MTMR9: variants seen among roughly 807,000 people sequenced by gnomAD.
MTMR9 encodes the protein myotubularin related protein 9, also known as myotubularin-related protein 9.
MTMR9 carries 39 observed loss-of-function variants against 69.5 expected under a neutral mutation model. That is an observed-to-expected ratio of 0.56 (90% CI 0.43 to 0.73). The LOEUF (loss-of-function observed/expected upper bound fraction) is 0.73. Ranked by LOEUF, MTMR9 falls within the 30% of genes least tolerant of loss-of-function variation. MTMR9 has a pLI of 0.00. For missense variants in MTMR9, 900 were observed against 671.2 expected (o/e 1.34, Z -3.77); for synonymous variants, 354 against 240.8 (o/e 1.47, Z -4.35).
the MTMR9 span, among the ~76,000 whole-genome samples, chr8:11,337,673 G>C: frequency 6.6e-6 from 1 of 152,196 alleles, no homozygotes; most frequent in Non-Finnish European, 1.5e-5. Context: ...AAGTAGACTC[G>C]GTCCTGCTAG....
chr8:11,303,597 T>C (rs900386466), intron 3 of MTMR9, among the ~76,000 whole-genome samples: 2 of 152,158 alleles, frequency 1.3e-5, no homozygotes, highest in South Asian at 2.1e-4. Flanking sequence ...GCAGTGGCGC[T>C]GTCACAGCTC....
chr8:11,292,295 T>A (rs193092487), intron 1 of MTMR9, among the ~76,000 whole-genome samples: 3 of 152,330 alleles, frequency 2.0e-5, no homozygotes, highest in Admixed American at 1.3e-4. Context: ...AATATTCTTA[T>A]GCAAGTCTTT....
rs1307792700 is a variant in MTMR9 at position 11,328,020 on chromosome 8, T to A, written c.*5232T>A. 1.3e-5 allele frequency: 2 copies of A among 152,218 alleles called. No individual in the cohort carries two copies. The highest frequency in any genetic ancestry group is 4.8e-5 in the African/African-American group (2 of 41,452). 9.4% of individuals were successfully genotyped at this position (152,218 alleles called of 1,614,324 possible). A position where few individuals can be genotyped will look rare whatever the true frequency, so the allele number is the denominator to read the frequency against. ...AGAGTCTTGTCGAATGTGGTACTGT[T>A]CTTAGTGTGTAATATTTGCGTATGG... is the stretch of plus-strand genomic sequence containing the variant. On this transcript the variant is annotated 3_prime_UTR_variant, in exon 10 of 10. Transcript: ENST00000221086.
At position 11,304,613 on chromosome 8, in the gene MTMR9, C is replaced by T. The variant is rs114220244; in HGVS notation, c.418-228C>T. 2.4e-3 allele frequency among the ~76,000 whole-genome samples: 360 copies of T among 152,280 alleles called. 1 individual carries two copies. The highest frequency in any genetic ancestry group is 8.3e-3 in the African/African-American group (346 of 41,540). The stretch of plus-strand genomic sequence containing the variant: ...ACAAGTTTTGCTCAGTGTGAGAAAG[C>T]ACTTTCTGGGAACTGGTGATACCTA... On this transcript the variant is annotated intron_variant, in intron 3 of 9. Coordinates refer to ENST00000221086, the MANE Select transcript of MTMR9 (RefSeq NM_015458.4).
intron 4 of MTMR9, 28 bp downstream of exon 4, chr8:11,305,042 T>TACTGA (rs750852327): frequency 6.2e-7 from 1 of 1,602,040 alleles, no homozygotes; most frequent in Non-Finnish European, 8.5e-7. Context: ...CTGCTTGATG[T>TACTGA]ACTGAAAGGC....
downstream of MTMR9, chr8:11,332,325 T>G: frequency 1.1e-6 from 1 of 931,782 alleles, no homozygotes; most frequent in Non-Finnish European, 1.5e-6. Flanking sequence ...ATGAGAAATC[T>G]GGCTTATTTA....
intron 1 of MTMR9, among the ~76,000 whole-genome samples, chr8:11,285,644 A>G (rs920713318): frequency 6.6e-6 from 1 of 152,134 alleles, no homozygotes; most frequent in Non-Finnish European, 1.5e-5. Context: ...TGCTTGCTGA[A>G]AGAACAGGGT....
rs774400600 is a variant in MTMR9 at position 11,316,668 on chromosome 8, C to T, written c.1114-5C>T. 1 of 1,589,560 alleles carries T rather than the reference C, an allele frequency of 6.3e-7. No individual in the cohort carries two copies. The highest frequency in any genetic ancestry group is 1.3e-5 in the African/African-American group (1 of 74,092). On this transcript the variant is annotated splice_region_variant and splice_polypyrimidine_tract_variant and intron_variant, in intron 7 of 9. Transcript: ENST00000221086. ...ATGACTGTCACGCCTCCATCTTCCC[C>T]CTAGGCTGGTCACCCATTCCAGCAG...
chr8:11,298,707 CT>C, intron 2 of MTMR9: 2 of 896,400 alleles, frequency 2.2e-6, no homozygotes, highest in African/African-American at 1.9e-5. Context: ...ATATGGTATC[CT>C]TTCCCCGCTG....
intron 9 of MTMR9, chr8:11,321,392 C>T (rs750958053): frequency 2.2e-6 from 1 of 456,192 alleles, no homozygotes; most frequent in Non-Finnish European, 4.4e-6. Flanking sequence ...TACTTAAAGC[C>T]ACTGTCACAT....
downstream of MTMR9, among the ~76,000 whole-genome samples, chr8:11,329,395 GC>G (rs1163852322): frequency 6.6e-6 from 1 of 152,188 alleles, no homozygotes; most frequent in African/African-American, 2.4e-5. Context: ...TGCCATCTCG[GC>G]TCACTGCAAC....
rs1585124952 is a variant in MTMR9, at chr8:11,309,614, G to A, written c.897G>A (p.Leu299=). 1 of 1,613,920 alleles carries A rather than the reference G, an allele frequency of 6.2e-7. No homozygotes were observed. The change falls in exon 6 of 10, where the codon TTG becomes TTA. Residue 299 remains leucine, a synonymous_variant. Coordinates refer to ENST00000221086, the MANE Select transcript of MTMR9 (RefSeq NM_015458.4). ...THNMDRWLSK[L]EASNWLTHIK... ...ACATGGACCGATGGCTCAGTAAATT[G>A]GAGGCCTCTAACTGGCTGACTCACA...
At position 11,304,832 on chromosome 8, in the gene MTMR9, G is replaced by A. The variant is rs1328085146; in HGVS notation, c.418-9G>A. On this transcript the variant is annotated splice_polypyrimidine_tract_variant and intron_variant, in intron 3 of 9. Coordinates refer to ENST00000221086, the MANE Select transcript of MTMR9 (RefSeq NM_015458.4). Reference sequence around the variant, plus strand: ...GTTGCTTAGCTTTGAAGTATTTTGTGTTTTTCAGACCAGTGAATGGAGGCT... The same window carrying A: ...GTTGCTTAGCTTTGAAGTATTTTGTATTTTTCAGACCAGTGAATGGAGGCT... 2 of 1,611,726 alleles carry A rather than the reference G, an allele frequency of 1.2e-6. No homozygotes were observed. Among genetic ancestry groups the A allele is most frequent in the Admixed American group, 1.7e-5 (1 of 59,596 alleles).
intron 3 of MTMR9, among the ~76,000 whole-genome samples, chr8:11,302,253 C>CAAA (rs34305448): frequency 1.5e-3 from 91 of 58,868 alleles, no homozygotes; most frequent in Non-Finnish European, 1.7e-3. Flanking sequence ...ACCCTGTCTC[C>CAAA]AAAAAAAAAA....
rs760009954 is a variant in MTMR9 at position 11,319,670 on chromosome 8, T to G, written c.1335-17T>G. The G allele has an allele frequency of 6.2e-7, 1 of 1,612,374 alleles. No homozygotes were observed. ...TATAAATTAATTACTTTAATGGCAG[T>G]GTTCTTTCTTGATCAGATGTAAGTT... On this transcript the variant is annotated splice_polypyrimidine_tract_variant and intron_variant, in intron 8 of 9. Coordinates refer to ENST00000221086, the MANE Select transcript of MTMR9 (RefSeq NM_015458.4).
rs1373644315 is a variant in MTMR9, at chr8:11,309,622, C to T, written c.905C>T (p.Ser302Phe). The change falls in exon 6 of 10, where the codon TCT (serine) becomes TTT (phenylalanine). Residue 302 changes from serine (S) to phenylalanine (F), a missense_variant. Coordinates refer to ENST00000221086, the MANE Select transcript of MTMR9 (RefSeq NM_015458.4). ...MDRWLSKLEASNWLTHIKEIL... is the reference protein window; with the variant it reads ...MDRWLSKLEAFNWLTHIKEIL... ...CGATGGCTCAGTAAATTGGAGGCCTCTAACTGGCTGACTCACATCAAAGAG... is the reference window on the plus strand; with the variant it reads ...CGATGGCTCAGTAAATTGGAGGCCTTTAACTGGCTGACTCACATCAAAGAG... 1 of 1,613,998 alleles carries T rather than the reference C, an allele frequency of 6.2e-7. No individual in the cohort carries two copies. The highest frequency in any genetic ancestry group is 1.7e-5 in the Admixed American group (1 of 59,992).
chr8:11,291,634 CATAAA>C (rs551843225), intron 1 of MTMR9, among the ~76,000 whole-genome samples: 2 of 152,010 alleles, frequency 1.3e-5, no homozygotes, highest in Admixed American at 6.6e-5. Context: ...TTTATTCTGA[CATAAA>C]GTAACAATTA....
chr8:11,289,607 C>T (rs920611233), intron 1 of MTMR9, among the ~76,000 whole-genome samples: 1 of 151,998 alleles, frequency 6.6e-6, no homozygotes, highest in African/African-American at 2.4e-5. Context: ...CCCTAATTTT[C>T]ACTCCCGTTT....
At chr8:11,318,709 T>C (rs1219442031) in intron 8 of MTMR9, 1 of 152,266 alleles carries the variant, frequency 6.6e-6, no homozygotes, top group Non-Finnish European at 1.5e-5. Context: ...TTTAGAATTA[T>C]TATGAAGCCT....
Sources: gnomAD v4.1 joint callset for allele counts (sites outside exome capture counted in the v4.1 genomes callset) on GRCh38, gnomAD v4.1.1 for gene constraint, MANE v1.5 for transcripts, NCBI Gene and HGNC (gene_info 2026-07-23, HGNC 2026-07-21) for gene names.